Variants in SI observed in about 807,000 individuals in gnomAD.
The protein encoded by SI is sucrase-isomaltase.
SI carries 235 observed loss-of-function variants against 253.3 expected under a neutral mutation model. The ratio of observed to expected loss-of-function variants is 0.93; its 90% CI spans 0.83 to 1.03. SI has a LOEUF of 1.03. Among genes scored for constraint, SI ranks in the 50% least tolerant of loss-of-function variants. The pLI, the probability that SI is intolerant of heterozygous loss-of-function variation, is 0.00. For missense variants in SI, 2,442 were observed against 2,211.1 expected, an observed-to-expected ratio of 1.10 and a Z score of -2.09; for synonymous variants, 819 against 712.0, an observed-to-expected ratio of 1.15 and a Z score of -2.39.
chr3:165,080,199 T>A (rs1336012051), upstream of SI, among the ~76,000 whole-genome samples: 1 of 151,992 alleles, frequency 6.6e-6, no homozygotes, highest in East Asian at 1.9e-4. Flanking sequence ...GTTTTCCCTT[T>A]AATTTTAGTT....
At position 165,021,447 on chromosome 3, in the gene SI, A is replaced by G. The variant is rs535386614; in HGVS notation, c.3100-64T>C. ...CTGACATAGCATGTACATATCATGA[A>G]CTAAGTTAAATAATGGCTCAAACAA... On this transcript the variant is annotated intron_variant, in intron 26 of 47. Coordinates refer to ENST00000264382, the MANE Select transcript of SI (RefSeq NM_001041.4). 5.6e-6 allele frequency: 7 copies of G among 1,239,306 alleles called. No homozygotes were observed. The African/African-American group carries it at 1.0e-4, about 18-fold the overall frequency. The allele number at this position is 1,239,306 out of a possible 1,614,324, so 76.8% of individuals were successfully genotyped here. A position where few individuals can be genotyped will look rare whatever the true frequency, so the allele number is the denominator to read the frequency against.
At chr3:165,036,734 A>G (rs1238739512) in intron 21 of SI, among the ~76,000 whole-genome samples, 1 of 151,874 alleles carries the variant, frequency 6.6e-6, no homozygotes, top group Non-Finnish European at 1.5e-5. Flanking sequence ...GATTTTTTGA[A>G]GGCTGAGATA....
chr3:164,980,796 A>C (rs1717148091), intron 47 of SI, among the ~76,000 whole-genome samples: 1 of 151,980 alleles, frequency 6.6e-6, no homozygotes, highest in Non-Finnish European at 1.5e-5. Flanking sequence ...AAATATTAAA[A>C]TATCTTATTT....
chr3:164,984,058 C>T (rs893820485), intron 45 of SI, among the ~76,000 whole-genome samples: 1 of 151,934 alleles, frequency 6.6e-6, no homozygotes, highest in Non-Finnish European at 1.5e-5. Context: ...ACTTTCAAAG[C>T]AGTTAAATAA....
At chr3:165,000,652 G>T (rs1486578230) in intron 37 of SI, among the ~76,000 whole-genome samples, 1 of 151,204 alleles carries the variant, frequency 6.6e-6, no homozygotes, top group Non-Finnish European at 1.5e-5. Flanking sequence ...TATATAAGAG[G>T]AATCTCCTCT....
At chr3:165,011,514 G>T (rs999984028) in intron 34 of SI, among the ~76,000 whole-genome samples, 3 of 151,808 alleles carry the variant, frequency 2.0e-5, no homozygotes, top group African/African-American at 4.8e-5. Flanking sequence ...GGCTTGTCTT[G>T]TGACTTAACA....
rs1189919116 is a variant in SI at position 165,047,537 on chromosome 3, T to TA, written c.1716-526dup. Among the ~76,000 whole-genome samples, 17 of 152,204 alleles carry TA rather than the reference T, an allele frequency of 1.1e-4. No homozygotes were observed. In the East Asian group the frequency reaches 3.3e-3, roughly 29 times the overall value. On this transcript the variant is annotated intron_variant, in intron 15 of 47. Coordinates refer to ENST00000264382, the MANE Select transcript of SI (RefSeq NM_001041.4). Reference sequence around the variant, plus strand: ...TATCAATTTTGTATTTTGTTATTAATATTTACTTATTTAAATATATTCTGG... The same window carrying TA: ...TATCAATTTTGTATTTTGTTATTAATAATTTACTTATTTAAATATATTCTGG...
intron 6 of SI, 46 bp downstream of exon 6, chr3:165,067,294 T>C: frequency 7.4e-7 from 1 of 1,354,906 alleles, no homozygotes; most frequent in Non-Finnish European, 1.0e-6. Flanking sequence ...TTTCCAATTC[T>C]ATAATAATAG....
chr3:165,021,725 A>AT (rs1051086895), intron 26 of SI, among the ~76,000 whole-genome samples: 5 of 151,590 alleles, frequency 3.3e-5, no homozygotes, highest in African/African-American at 1.2e-4. Flanking sequence ...TTGTTTCAAT[A>AT]TTTTTTGTCA....
upstream of SI, among the ~76,000 whole-genome samples, chr3:165,080,651 G>C (rs1254723794): frequency 1.3e-5 from 2 of 151,844 alleles, no homozygotes. Context: ...CTATCGCAAG[G>C]ACAAAAAACC....
chr3:165,025,472 G>A (rs1405957342), intron 25 of SI, among the ~76,000 whole-genome samples: 2 of 151,172 alleles, frequency 1.3e-5, no homozygotes, highest in Non-Finnish European at 3.0e-5. Context: ...TAGAGATCTA[G>A]ACATCCAAAT....
chr3:165,058,050 A>G (rs556869458), intron 12 of SI, among the ~76,000 whole-genome samples: 43 of 101,950 alleles, frequency 4.2e-4, no homozygotes, highest in African/African-American at 1.3e-3. Flanking sequence ...AAGTCTTAAA[A>G]TATTTTTTTT....
At chr3:165,073,297 C>T (rs1310912150) in intron 3 of SI, among the ~76,000 whole-genome samples, 5 of 151,850 alleles carry the variant, frequency 3.3e-5, no homozygotes, top group South Asian at 2.1e-4. Flanking sequence ...AATACAGTGA[C>T]GCGATCTCTG....
intron 32 of SI, 144 bp from the exon 33 acceptor site, chr3:165,015,377 G>A (rs1718976829): frequency 1.5e-6 from 1 of 666,836 alleles, no homozygotes; most frequent in Non-Finnish European, 2.7e-6. Context: ...AAACATCAGT[G>A]TTCTAGCTAG....
rs771524149 is a variant in SI, at chr3:165,039,147, T to A, written c.2245-13A>T. 8.6e-5 allele frequency: 132 copies of A among 1,539,592 alleles called. 1 individual carries two copies. Among genetic ancestry groups the A allele is most frequent in the Non-Finnish European group, 1.2e-4 (129 of 1,116,126 alleles). On this transcript the variant is annotated splice_polypyrimidine_tract_variant and intron_variant, in intron 19 of 47. Coordinates refer to ENST00000264382, the MANE Select transcript of SI (RefSeq NM_001041.4). Reference sequence around the variant, plus strand: ...CAGTATCTGCTCCCTAAAATAAAGATAATATGTATTTTTTAATTTCAATTT... The same window carrying A: ...CAGTATCTGCTCCCTAAAATAAAGAAAATATGTATTTTTTAATTTCAATTT...
intron 10 of SI, among the ~76,000 whole-genome samples, chr3:165,059,641 A>G (rs573128068): frequency 1.8e-4 from 27 of 152,084 alleles, no homozygotes; most frequent in African/African-American, 5.8e-4. Context: ...TATTTTAAAA[A>G]CTAAATATGA....
At chr3:165,080,910 A>G (rs1471140858), upstream of SI, among the ~76,000 whole-genome samples, 1 of 151,984 alleles carries the variant, frequency 6.6e-6, no homozygotes, top group Admixed American at 6.6e-5. Context: ...TTAAAAAAAG[A>G]AAGTCTTAAA....
At chr3:165,067,606 T>C (rs994345129) in intron 5 of SI, 115 bp from the exon 6 acceptor site, 11 of 891,938 alleles carry the variant, frequency 1.2e-5, no homozygotes, top group Admixed American at 1.9e-5. Context: ...ATTAGTTTCA[T>C]AGAAGAGTAT....
chr3:165,040,089 T>A (rs143901875), intron 18 of SI, 118 bp from the exon 19 acceptor site: 1 of 785,718 alleles, frequency 1.3e-6, no homozygotes, highest in African/African-American at 1.7e-5. Context: ...GAATTGTGCT[T>A]GTTTCAGATG....
Sources: allele counts gnomAD v4.1 joint callset (sites outside exome capture counted in the v4.1 genomes callset), GRCh38; gene constraint gnomAD v4.1.1; transcripts MANE v1.5; gene names NCBI Gene and HGNC (gene_info 2026-07-23, HGNC 2026-07-21).